GTSE1: variants seen among roughly 807,000 people sequenced by gnomAD.
The protein encoded by GTSE1 is G2 and S-phase expressed 1, also known as G2 and S phase-expressed protein 1.
A neutral mutation model predicts 60.5 loss-of-function variants in GTSE1; 52 were observed. That is an observed-to-expected ratio of 0.86 (90% CI 0.69 to 1.08). GTSE1 has a LOEUF of 1.08. GTSE1 is among the 50% of genes least tolerant of loss of function. The pLI is 0.00. For missense variants in GTSE1, 937 were observed against 961.8 expected (o/e 0.97, Z 0.34); for synonymous variants, 368 against 386.5 (o/e 0.95, Z 0.56).
chr22:46,298,854 G>A (rs534760996), intron 2 of GTSE1, among the ~76,000 whole-genome samples: 11 of 152,178 alleles, frequency 7.2e-5, no homozygotes, highest in African/African-American at 2.4e-4. Context: ...TGGATCATGC[G>A]CATCCACATA....
Position 46,330,726 on chromosome 22 carries a change from C to A in GTSE1, c.*596C>A, listed in dbSNP as rs1249050972. On this transcript the variant is annotated 3_prime_UTR_variant, in exon 12 of 12. Transcript: ENST00000454366. This position sits in a 1 kb window ranked among gnomAD's most constrained non-coding sequence, Gnocchi z 6.0. ...GTTTTGTATGTAAAATAGCAAGTGG[C>A]TATTTTTAAAGTTAAGTTTGTATAA... The A allele has an allele frequency of 6.6e-6, 1 of 152,272 alleles. No homozygotes were observed. The highest frequency in any genetic ancestry group is 2.4e-5 in the African/African-American group (1 of 41,358). 9.4% of individuals were successfully genotyped at this position (152,272 alleles called of 1,614,324 possible).
Position 46,328,765 on chromosome 22 carries a change from C to T in GTSE1, c.1802C>T (p.Pro601Leu), listed in dbSNP as rs779479450. ...VDVSPDRGSP[P>L]SRVPQALNFS... ...GTGTCCCCTGACAGGGGTTCTCCTCCTTCCCGTGTGCCTCAGGCACTTAAC... is the reference window on the plus strand; with the variant it reads ...GTGTCCCCTGACAGGGGTTCTCCTCTTTCCCGTGTGCCTCAGGCACTTAAC... The change falls in exon 10 of 12, where the codon CCT becomes CTT. Residue 601 changes from proline to leucine, a missense_variant. Transcript: ENST00000454366. 1 of 1,613,594 alleles carries T rather than the reference C, an allele frequency of 6.2e-7. No homozygotes were observed. The highest frequency in any genetic ancestry group is 8.5e-7 in the Non-Finnish European group (1 of 1,179,440).
intron 9 of GTSE1, 85 bp from the exon 10 acceptor site, chr22:46,328,603 C>A (rs1188089271): frequency 1.9e-6 from 2 of 1,041,986 alleles, no homozygotes; most frequent in Non-Finnish European, 2.9e-6. Context: ...GGACACTGTT[C>A]CTCCAGAGTG....
rs1013112381 is a variant in GTSE1, at chr22:46,321,222, C to T, written c.1433-1968C>T. Among the ~76,000 whole-genome samples, 18 of 151,950 alleles carry T rather than the reference C, an allele frequency of 1.2e-4. No individual in the cohort carries two copies. Among genetic ancestry groups the T allele is most frequent in the Admixed American group, 5.9e-4 (9 of 15,264 alleles). On this transcript the variant is annotated intron_variant, in intron 7 of 11. Transcript: ENST00000454366. The surrounding 1 kb of genome is among the most constrained non-coding windows in gnomAD (Gnocchi z 4.0). Reference sequence around the variant, plus strand: ...ACAAGAAAACAAACACCAGCCTGGGCGACACAGTGAGACCCCGATTCTACA... The same window carrying T: ...ACAAGAAAACAAACACCAGCCTGGGTGACACAGTGAGACCCCGATTCTACA...
chr22:46,304,156 A>AT lies in GTSE1; in HGVS notation c.80-3983dup, dbSNP rs889525539. Among the ~76,000 whole-genome samples, 42 of 144,778 alleles carry AT rather than the reference A, an allele frequency of 2.9e-4. No homozygotes were observed. Among genetic ancestry groups the AT allele is most frequent in the East Asian group, 4.0e-4 (2 of 5,008 alleles). 95.0% of individuals were successfully genotyped at this position (144,778 alleles called of 152,430 possible). ...AGGTATATGGCACCATACCCCGCTC[A>AT]TTTTTTTTTTTCTTTTTGTAGAGCT... On this transcript the variant is annotated intron_variant, in intron 2 of 11. Transcript: ENST00000454366. The surrounding 1 kb of genome is among the most constrained non-coding windows in gnomAD (Gnocchi z 4.4).
In GTSE1 at chr22:46,314,868, T is replaced by C. The variant is rs1411722403; in HGVS notation, c.1051+855T>C. On this transcript the variant is annotated intron_variant, in intron 6 of 11. Coordinates refer to ENST00000454366, the MANE Select transcript of GTSE1 (RefSeq NM_016426.7). The surrounding 1 kb of genome is among the most constrained non-coding windows in gnomAD (Gnocchi z 7.1). ...TCCGTCTCAAAAAAAAAAAAAAAAA[T>C]GATAAGTGTGAACTCTCTAATCAGA... is the stretch of plus-strand genomic sequence containing the variant. Among the ~76,000 whole-genome samples the C allele has an allele frequency of 6.8e-6, 1 of 146,390 alleles. No individual in the cohort carries two copies. The highest frequency in any genetic ancestry group is 2.6e-5 in the African/African-American group (1 of 38,084).
At chr22:46,322,982 G>T (rs1433807582) in intron 7 of GTSE1, among the ~76,000 whole-genome samples, 1 of 152,334 alleles carries the variant, frequency 6.6e-6, no homozygotes, top group Admixed American at 6.5e-5. Context: ...CTTTGCCTGG[G>T]CAGGGGTCCC....
chr22:46,300,819 T>C (rs1019113543), intron 2 of GTSE1, among the ~76,000 whole-genome samples: 1 of 152,230 alleles, frequency 6.6e-6, no homozygotes, highest in Non-Finnish European at 1.5e-5. Flanking sequence ...ATTAGAAGTT[T>C]CTGAAATTGA....
At chr22:46,298,456 C>T (rs1021112918) in intron 2 of GTSE1, among the ~76,000 whole-genome samples, 3 of 151,972 alleles carry the variant, frequency 2.0e-5, no homozygotes, top group Admixed American at 6.6e-5. Flanking sequence ...TACAGGCACC[C>T]GCCACCACAC....
chr22:46,328,990 C>T (rs1254625857), intron 10 of GTSE1, 101 bp downstream of exon 10: 2 of 948,788 alleles, frequency 2.1e-6, no homozygotes, highest in Non-Finnish European at 1.6e-6. Flanking sequence ...AGTTCCCTGC[C>T]ATGCTTCATC....
intron 2 of GTSE1, among the ~76,000 whole-genome samples, chr22:46,300,196 C>T (rs2077681851): frequency 6.6e-6 from 1 of 152,010 alleles, no homozygotes. Context: ...CTCCTGGGTT[C>T]AAGTGATTCC....
chr22:46,306,770 G>A (rs748572730), intron 2 of GTSE1, among the ~76,000 whole-genome samples: 5 of 152,200 alleles, frequency 3.3e-5, no homozygotes, highest in Non-Finnish European at 7.3e-5. Flanking sequence ...TTACAGGTGT[G>A]AGCCACCTTG....
Position 46,329,547 on chromosome 22 carries a change from C to T in GTSE1, c.2116C>T (p.Pro706Ser). Residue 706 changes from proline to serine, a missense_variant, in exon 11 of 12, where the codon CCT (proline) becomes TCT (serine). Physicochemically the swap from Pro to Ser is moderately conservative, Grantham distance 74. Coordinates refer to ENST00000454366, the MANE Select transcript of GTSE1 (RefSeq NM_016426.7). This position sits in a 1 kb window ranked among gnomAD's most constrained non-coding sequence, Gnocchi z 6.4. ...AGACATGAATAAAAATGTGGCCAAA[C>T]CTTCACCGGTGGTGGGACAGGTGAG... ...TPDMNKNVAKPSPVVGQLIDL... is the reference protein window; with the variant it reads ...TPDMNKNVAKSSPVVGQLIDL... The T allele has an allele frequency of 6.2e-7, 1 of 1,614,086 alleles. No individual in the cohort carries two copies. Among genetic ancestry groups the T allele is most frequent in the Non-Finnish European group, 8.5e-7 (1 of 1,179,936 alleles).
rs572005839 is a variant in GTSE1, at chr22:46,315,421, C to T, written c.1052-611C>T. Among the ~76,000 whole-genome samples the T allele has an allele frequency of 3.6e-4, 55 of 152,292 alleles. No individual in the cohort carries two copies. The South Asian group carries it at 6.8e-3, about 19-fold the overall frequency. On this transcript the variant is annotated intron_variant, in intron 6 of 11. Coordinates refer to ENST00000454366, the MANE Select transcript of GTSE1 (RefSeq NM_016426.7). ...TATTAGCCAGGCTGGTCTCGAACTC[C>T]TGGCCTTGAGTGATCTCTTGCCTTG...
chr22:46,312,334 T>G lies in GTSE1; in HGVS notation c.927+29T>G, dbSNP rs781012558. On this transcript the variant is annotated intron_variant, in intron 5 of 11. Transcript: ENST00000454366. The stretch of plus-strand genomic sequence containing the variant: ...AGTTGGCTGCTGGGGCCCAAACTTG[T>G]GGTTGCTGGGAATGAGGTGGCAGCT... 3 of 1,590,474 alleles carry G rather than the reference T, an allele frequency of 1.9e-6. No individual in the cohort carries two copies. In the Admixed American group the frequency reaches 5.3e-5, roughly 28 times the overall value.
At position 46,314,922 on chromosome 22, in the gene GTSE1, C is replaced by T. The variant is rs1212923918; in HGVS notation, c.1051+909C>T. Among the ~76,000 whole-genome samples the T allele has an allele frequency of 6.6e-6, 1 of 151,964 alleles. No homozygotes were observed. Among genetic ancestry groups the T allele is most frequent in the African/African-American group, 2.4e-5 (1 of 41,394 alleles). On this transcript the variant is annotated intron_variant, in intron 6 of 11. Transcript: ENST00000454366. The surrounding 1 kb of genome is among the most constrained non-coding windows in gnomAD (Gnocchi z 7.1). ...ATCTGATCTGGAATTCTGACTCTGC[C>T]ATTCTGTGATTAAGAGAGGTTTGTG... is the stretch of plus-strand genomic sequence containing the variant.
At chr22:46,300,559 A>G (rs1449886269) in intron 2 of GTSE1, among the ~76,000 whole-genome samples, 1 of 152,144 alleles carries the variant, frequency 6.6e-6, no homozygotes, top group African/African-American at 2.4e-5. Flanking sequence ...ACACGCTTTG[A>G]TATTTTCTCA....
In GTSE1 at chr22:46,312,122, T is replaced by C; in HGVS notation, c.763-19T>C. 6.2e-7 allele frequency: 1 copy of C among 1,602,656 alleles called. No individual in the cohort carries two copies. Among genetic ancestry groups the C allele is most frequent in the South Asian group, 1.1e-5 (1 of 89,556 alleles). On this transcript the variant is annotated intron_variant, in intron 4 of 11. Transcript: ENST00000454366. ...GTTAAGCACTAGACAGTTCTCACAG[T>C]TCAAATTAAAATTTTCAGCCCAAGA...
rs80166775 is a variant in GTSE1 at position 46,314,144 on chromosome 22, C to T, written c.1051+131C>T. Reference sequence around the variant, plus strand: ...GACGTCCCGGAGGGCGTGCTGTGTGCGGTGGACCAGGCTGTGGACTGAGTT... The same window carrying T: ...GACGTCCCGGAGGGCGTGCTGTGTGTGGTGGACCAGGCTGTGGACTGAGTT... On this transcript the variant is annotated intron_variant, in intron 6 of 11. Transcript: ENST00000454366. This position sits in a 1 kb window ranked among gnomAD's most constrained non-coding sequence, Gnocchi z 7.1. The T allele has an allele frequency of 3.8e-3, 4,246 of 1,112,762 alleles. 105 individuals are homozygous for T. The East Asian group carries it at 0.065, about 17-fold the overall frequency. The allele number at this position is 1,112,762 out of a possible 1,614,324, so 68.9% of individuals were successfully genotyped here. A position where few individuals can be genotyped will look rare whatever the true frequency, so the allele number is the denominator to read the frequency against.
Sources: allele counts gnomAD v4.1 joint callset (sites outside exome capture counted in the v4.1 genomes callset), GRCh38; gene constraint gnomAD v4.1.1; non-coding constraint Gnocchi (gnomAD v3.1); transcripts MANE v1.5; gene names NCBI Gene and HGNC (gene_info 2026-07-23, HGNC 2026-07-21).